The following SHC4 variants were observed in gnomAD, a reference collection of about 807,000 sequenced individuals.
The protein encoded by SHC4 is SHC-transforming protein 4.
Under a neutral mutation model 69.4 loss-of-function variants are expected in SHC4, and 41 were observed. The ratio of observed to expected loss-of-function variants is 0.59; its 90% confidence interval spans 0.46 to 0.77. SHC4 has a LOEUF of 0.77. Among genes scored for constraint, SHC4 ranks in the 30% least tolerant of loss-of-function variants. SHC4 has a pLI of 0.00. For synonymous variants in SHC4, 318 were observed against 299.3 expected (o/e 1.06, Z -0.64); for missense variants, 777 against 783.8 (o/e 0.99, Z 0.10).
intron 4 of SHC4, chr15:48,877,468 A>G: frequency 1.0e-6 from 1 of 983,986 alleles, no homozygotes; most frequent in Non-Finnish European, 1.2e-6. Flanking sequence ...AGGTAAAAAC[A>G]GGTAAAACAT....
chr15:48,944,142 G>C (rs867870800), intron 1 of SHC4, among the ~76,000 whole-genome samples: 2 of 152,184 alleles, frequency 1.3e-5, no homozygotes, highest in African/African-American at 4.8e-5. Context: ...AAAGGGATGG[G>C]CTCTTGCAAA....
At chr15:48,955,656 C>T (rs1212101049) in intron 1 of SHC4, among the ~76,000 whole-genome samples, 1 of 152,174 alleles carries the variant, frequency 6.6e-6, no homozygotes, top group Non-Finnish European at 1.5e-5. Context: ...TCCTTGCCAC[C>T]CTTCTATGCT....
At chr15:48,872,978 A>G (rs1239575982) in intron 4 of SHC4, among the ~76,000 whole-genome samples, 1 of 152,248 alleles carries the variant, frequency 6.6e-6, no homozygotes, top group East Asian at 1.9e-4. Flanking sequence ...TGATTATATA[A>G]GATGACCAGC....
At chr15:48,924,970 A>T (rs561519958) in intron 1 of SHC4, 21 bp from the exon 2 acceptor site, 3 of 1,613,146 alleles carry the variant, frequency 1.9e-6, no homozygotes, top group African/African-American at 2.7e-5. Context: ...AAGAAAAAAA[A>T]GAAGAAGTAG....
At chr15:48,861,798 C>G (rs1050421893) in intron 6 of SHC4, among the ~76,000 whole-genome samples, 1 of 152,062 alleles carries the variant, frequency 6.6e-6, no homozygotes, top group Non-Finnish European at 1.5e-5. Flanking sequence ...TTCAAAAGAA[C>G]CTGAGATACA....
At chr15:48,827,410 C>G (rs549426905) in intron 11 of SHC4, among the ~76,000 whole-genome samples, 1 of 152,314 alleles carries the variant, frequency 6.6e-6, no homozygotes, top group Non-Finnish European at 1.5e-5. Flanking sequence ...ACAATGGCAC[C>G]AATTTGCTCT....
At chr15:48,845,401 G>C (rs532618002) in intron 9 of SHC4, among the ~76,000 whole-genome samples, 1 of 152,158 alleles carries the variant, frequency 6.6e-6, no homozygotes, top group Non-Finnish European at 1.5e-5. Flanking sequence ...ACACGAGTGA[G>C]GTTTCTACAG....
intron 4 of SHC4, among the ~76,000 whole-genome samples, chr15:48,874,551 T>C (rs535903791): frequency 3.3e-5 from 5 of 152,282 alleles, no homozygotes; most frequent in African/African-American, 1.2e-4. Flanking sequence ...ATGAACCCTA[T>C]TGTGAACTAC....
At chr15:48,869,309 G>A (rs1899621306) in intron 5 of SHC4, among the ~76,000 whole-genome samples, 1 of 152,162 alleles carries the variant, frequency 6.6e-6, no homozygotes, top group Non-Finnish European at 1.5e-5. Flanking sequence ...ATGAGGGTGA[G>A]CAAAGGCCAA....
chr15:48,897,874 T>A (rs1490972772), intron 2 of SHC4, among the ~76,000 whole-genome samples: 1 of 152,154 alleles, frequency 6.6e-6, no homozygotes, highest in Non-Finnish European at 1.5e-5. Flanking sequence ...AGCAAGAGCC[T>A]TTCCAAAATA....
intron 5 of SHC4, among the ~76,000 whole-genome samples, chr15:48,870,595 G>A (rs1209615914): frequency 6.6e-6 from 1 of 152,086 alleles, no homozygotes; most frequent in Admixed American, 6.6e-5. Flanking sequence ...ATCCTGTAAA[G>A]GCTGCTTTTC....
chr15:48,935,624 C>T (rs4491452), intron 1 of SHC4, among the ~76,000 whole-genome samples: 124,875 of 152,098 alleles, frequency 0.82, 51,345 homozygotes, highest in East Asian at 0.93. Context: ...CAGGTTTGAG[C>T]TGGAATGTGG....
chr15:48,842,113 TTTTG>T (rs1353640509), intron 10 of SHC4, among the ~76,000 whole-genome samples: 4 of 152,334 alleles, frequency 2.6e-5, no homozygotes, highest in Non-Finnish European at 4.4e-5. Context: ...GAAAAGCATT[TTTTG>T]TTTATTTTTC....
At chr15:48,880,002 G>C (rs1209589858) in intron 4 of SHC4, 3 of 167,070 alleles carry the variant, frequency 1.8e-5, no homozygotes, top group African/African-American at 7.2e-5. Context: ...CTATCAATGA[G>C]TATGTTGCCG....
intron 1 of SHC4, among the ~76,000 whole-genome samples, chr15:48,952,684 A>T (rs1382741167): frequency 6.6e-6 from 1 of 152,244 alleles, no homozygotes; most frequent in African/African-American, 2.4e-5. Flanking sequence ...AAGGCTCAAC[A>T]TCACTGATCA....
rs755839927 is a variant in SHC4 at position 48,843,502 on chromosome 15, A to G, written c.1390T>C (p.Cys464Arg). 4.3e-6 allele frequency: 7 copies of G among 1,614,200 alleles called. No homozygotes were observed. Among genetic ancestry groups the G allele is most frequent in the Non-Finnish European group, 5.9e-6 (7 of 1,180,014 alleles). ...TGAAGAGCCTGTGTATTAATGTAGCAGGGGTCATCAAAGAGATCCACTCGG... is the reference window on the plus strand; with the variant it reads ...TGAAGAGCCTGTGTATTAATGTAGCGGGGGTCATCAAAGAGATCCACTCGG... ...TCRVDLFDDP[C>R]YINTQALQST... Residue 464 changes from cysteine (C) to arginine (R), a missense_variant, in exon 10 of 12, where the codon TGC (cysteine) becomes CGC (arginine). Cys to Arg is a radical substitution (Grantham distance 180, BLOSUM62 -3). Transcript: ENST00000332408.
intron 1 of SHC4, among the ~76,000 whole-genome samples, chr15:48,943,404 T>A (rs1383541825): frequency 2.6e-5 from 4 of 152,242 alleles, no homozygotes; most frequent in African/African-American, 4.8e-5. Flanking sequence ...TTCTCTAGGT[T>A]CATCCATGTT....
chr15:48,935,841 A>G (rs1901059610), intron 1 of SHC4, among the ~76,000 whole-genome samples: 1 of 152,148 alleles, frequency 6.6e-6, no homozygotes, highest in Admixed American at 6.6e-5. Flanking sequence ...GGTCTTGGCA[A>G]AAACGGACTT....
Position 48,843,400 on chromosome 15 carries a change from G to T in SHC4, c.1483+9C>A. ...AAGAAATGAATACAGACAGTGAGTA[G>T]CTACTTACTTCCGCAGTGCCATGGG... On this transcript the variant is annotated intron_variant, in intron 10 of 11. Coordinates refer to ENST00000332408, the MANE Select transcript of SHC4 (RefSeq NM_203349.4). 6.3e-7 allele frequency: 1 copy of T among 1,599,310 alleles called. No individual in the cohort carries two copies. The highest frequency in any genetic ancestry group is 8.5e-7 in the Non-Finnish European group (1 of 1,170,618).
Sources: gnomAD v4.1 joint callset for allele counts (sites outside exome capture counted in the v4.1 genomes callset) on GRCh38, gnomAD v4.1.1 for gene constraint, MANE v1.5 for transcripts, NCBI Gene and HGNC (gene_info 2026-07-23, HGNC 2026-07-21) for gene names.